Variants in DNAH8 observed in about 807,000 individuals in gnomAD.
DNAH8 encodes the protein dynein axonemal heavy chain 8, also known as axonemal beta dynein heavy chain 8.
DNAH8 carries 382 observed loss-of-function variants against 562.1 expected under a neutral mutation model. The observed-to-expected ratio is 0.68, with a 90% CI of 0.63 to 0.74. The LOEUF (loss-of-function observed/expected upper bound fraction) is 0.74. Ranked by LOEUF, DNAH8 falls within the 30% of genes least tolerant of loss-of-function variation. The probability of loss-of-function intolerance (pLI) is 0.00; values close to 1 mark genes in which losing one functional copy is unlikely to be tolerated. For synonymous variants in DNAH8, 1,881 were observed against 1,919.4 expected (o/e 0.98, Z 0.52); for missense variants, 5,203 against 5,620.4 (o/e 0.93, Z 2.37).
At chr6:38,925,494 C>G (rs1583371096) in intron 73 of DNAH8, among the ~76,000 whole-genome samples, 1 of 152,016 alleles carries the variant, frequency 6.6e-6, no homozygotes. Context: ...CTGCGCCTGG[C>G]CCGGTGATTT....
At position 38,807,697 on chromosome 6, in the gene DNAH8, A is replaced by T. The variant is rs747393955; in HGVS notation, c.3238A>T (p.Arg1080Ter). 1 of 1,523,810 alleles carries T rather than the reference A, an allele frequency of 6.6e-7. No individual in the cohort carries two copies. Among genetic ancestry groups the T allele is most frequent in the Non-Finnish European group, 8.8e-7 (1 of 1,138,920 alleles). 94.4% of individuals were successfully genotyped at this position (1,523,810 alleles called of 1,614,324 possible). The change falls in exon 24 of 93, where the codon AGA (arginine) becomes TGA (stop). Residue 1080 changes from arginine (R) to a stop codon, truncating the protein, a stop_gained. Transcript: ENST00000327475. LOFTEE classifies it high-confidence loss of function. The part of the protein sequence containing the change: ...ATRLSLDTMK[R>*]RIFVASLYGR... ...ACGGTTATCTCTGGACACAATGAAAAGAAGAATATTTGTTGCAAGGCAAGT... is the reference window on the plus strand; with the variant it reads ...ACGGTTATCTCTGGACACAATGAAATGAAGAATATTTGTTGCAAGGCAAGT...
intron 85 of DNAH8, among the ~76,000 whole-genome samples, chr6:38,977,662 A>G (rs1316766140): frequency 3.3e-5 from 5 of 152,120 alleles, no homozygotes; most frequent in African/African-American, 1.2e-4. Flanking sequence ...AATTTTAAGC[A>G]CATTTTCCTC....
In DNAH8 at chr6:38,890,712, T is replaced by C; in HGVS notation, c.8534T>C (p.Met2845Thr). Residue 2845 changes from methionine (M) to threonine (T), a missense_variant, in exon 58 of 93, where the codon ATG becomes ACG. Physicochemically the swap from Met to Thr is moderately conservative, Grantham distance 81. This residue lies in a region of DNAH8 where 977 missense variants were observed against 1,061.8 expected (regional missense o/e 0.92). Coordinates refer to ENST00000327475, the MANE Select transcript of DNAH8 (RefSeq NM_001206927.2). ...AGTTTCAAGCCTCAAATATGTGAGATGATTGTGAATTTAGTCTCAGTGGGT... is the reference window on the plus strand; with the variant it reads ...AGTTTCAAGCCTCAAATATGTGAGACGATTGTGAATTTAGTCTCAGTGGGT... ...CRSFKPQICE[M>T]IVNLVSVGRV... 1 of 1,613,964 alleles carries C rather than the reference T, an allele frequency of 6.2e-7. No homozygotes were observed. Among genetic ancestry groups the C allele is most frequent in the African/African-American group, 1.3e-5 (1 of 75,066 alleles).
intron 34 of DNAH8, 51 bp downstream of exon 34, chr6:38,842,556 G>C: frequency 6.3e-7 from 1 of 1,588,724 alleles, no homozygotes. Flanking sequence ...GGATCCTATA[G>C]GTATTTCAGA....
Position 38,917,313 on chromosome 6 carries a change from C to T in DNAH8, c.10215C>T (p.Asp3405=). The T allele has an allele frequency of 6.2e-7, 1 of 1,613,520 alleles. No individual in the cohort carries two copies. The highest frequency in any genetic ancestry group is 8.5e-7 in the Non-Finnish European group (1 of 1,179,574). The change falls in exon 69 of 93, where the codon GAC becomes GAT. Residue 3405 remains aspartate (D), a synonymous_variant. Transcript: ENST00000327475. ...KPPHLIMRIM[D]CVLLLFQKKI... ...CACATCTTATTATGAGAATCATGGACTGTGTTCTGTTACTATTTCAAAAGA... is the reference window on the plus strand; with the variant it reads ...CACATCTTATTATGAGAATCATGGATTGTGTTCTGTTACTATTTCAAAAGA...
At chr6:38,733,283 C>G (rs1763804105) in intron 4 of DNAH8, among the ~76,000 whole-genome samples, 1 of 98,676 alleles carries the variant, frequency 1.0e-5, no homozygotes, top group Admixed American at 9.4e-5. Flanking sequence ...GACCAACTAT[C>G]TAACATAATT....
intron 17 of DNAH8, among the ~76,000 whole-genome samples, chr6:38,785,647 G>A (rs1346504487): frequency 7.1e-6 from 1 of 140,436 alleles, no homozygotes; most frequent in Non-Finnish European, 1.5e-5. Context: ...CCCACCCCCC[G>A]ACAGGCCCTG....
intron 47 of DNAH8, among the ~76,000 whole-genome samples, chr6:38,867,512 A>G (rs1412724043): frequency 1.3e-5 from 2 of 151,584 alleles, no homozygotes; most frequent in African/African-American, 4.9e-5. Flanking sequence ...TGGGAGGCCG[A>G]GGCGAGTGGA....
intron 28 of DNAH8, 105 bp downstream of exon 28, chr6:38,823,793 C>G (rs957939660): frequency 1.1e-5 from 6 of 551,388 alleles, no homozygotes; most frequent in African/African-American, 9.5e-5. Flanking sequence ...AGTATTATAC[C>G]AAGATATAAT....
At position 38,989,692 on chromosome 6, in the gene DNAH8, GTATGT is replaced by G. The variant is rs367630593; in HGVS notation, c.13054-318_13054-314del. ...GGAGTATGGCCTCACAGACTTTGCA[GTATGT>G]TCCTATTCCTAAAATGGAATTGAGG... On this transcript the variant is annotated intron_variant, in intron 87 of 92. Transcript: ENST00000327475. 2.0e-3 allele frequency among the ~76,000 whole-genome samples: 307 copies of G among 152,290 alleles called. 1 individual carries two copies. Among genetic ancestry groups the G allele is most frequent in the African/African-American group, 5.8e-3 (240 of 41,546 alleles).
chr6:38,720,134 T>C (rs533673475), intron 1 of DNAH8, among the ~76,000 whole-genome samples: 1 of 152,166 alleles, frequency 6.6e-6, no homozygotes, highest in Admixed American at 6.5e-5. Flanking sequence ...GTTTCTCTAA[T>C]GGGAAAAGTG....
chr6:38,922,330 A>G (rs557793207), intron 71 of DNAH8, among the ~76,000 whole-genome samples: 2 of 151,566 alleles, frequency 1.3e-5, no homozygotes, highest in South Asian at 2.1e-4. Context: ...TGGTGTAAAT[A>G]CTCCCATCAC....
intron 28 of DNAH8, among the ~76,000 whole-genome samples, chr6:38,824,425 C>T (rs183661230): frequency 6.6e-6 from 1 of 152,130 alleles, no homozygotes; most frequent in Admixed American, 6.5e-5. Context: ...GGGCCTGGCA[C>T]TGATAGGGTT....
At chr6:38,890,965 G>A (rs1430353564) in intron 58 of DNAH8, among the ~76,000 whole-genome samples, 4 of 152,180 alleles carry the variant, frequency 2.6e-5, no homozygotes, top group Admixed American at 1.3e-4. Flanking sequence ...GTATGTATGA[G>A]ATGTTACTGT....
chr6:39,019,592 AG>A (rs1410058158), intron 91 of DNAH8, among the ~76,000 whole-genome samples: 2 of 152,084 alleles, frequency 1.3e-5, no homozygotes, highest in Non-Finnish European at 2.9e-5. Flanking sequence ...GACGTGAGAG[AG>A]GGGGGCATTT....
At chr6:38,826,075 T>C (rs1773292940) in intron 28 of DNAH8, 81 bp from the exon 29 acceptor site, 1 of 901,434 alleles carries the variant, frequency 1.1e-6, no homozygotes, top group African/African-American at 1.7e-5. Flanking sequence ...GACTACTGAA[T>C]TGGACAGAGC....
intron 88 of DNAH8, among the ~76,000 whole-genome samples, chr6:38,999,841 T>A (rs1345464307): frequency 1.3e-5 from 2 of 151,392 alleles, no homozygotes; most frequent in Non-Finnish European, 2.9e-5. Flanking sequence ...TATTATATAA[T>A]AGATATATAA....
At chr6:38,791,731 T>C (rs1769766024) in intron 21 of DNAH8, 57 bp downstream of exon 21, 1 of 1,567,030 alleles carries the variant, frequency 6.4e-7, no homozygotes, top group East Asian at 2.3e-5. Context: ...AAACCTAAAA[T>C]GTGAAATTTC....
intron 53 of DNAH8, among the ~76,000 whole-genome samples, chr6:38,882,279 C>T (rs1778557251): frequency 6.6e-6 from 1 of 152,156 alleles, no homozygotes; most frequent in African/African-American, 2.4e-5. Context: ...CATTGCAGCA[C>T]TATTCACAAT....
Sources: gnomAD v4.1 joint callset for allele counts (sites outside exome capture counted in the v4.1 genomes callset) on GRCh38, gnomAD v4.1.1 for gene constraint, gnomAD v4.1.1 regional missense constraint, MANE v1.5 for transcripts, NCBI Gene and HGNC (gene_info 2026-07-23, HGNC 2026-07-21) for gene names.